ANKH: variants seen among roughly 807,000 people sequenced by gnomAD.
ANKH encodes ANKH inorganic pyrophosphate transport regulator, also known as mineralization regulator ANKH.
Under a neutral mutation model 49.0 loss-of-function variants are expected in ANKH, and 15 were observed. That is an observed-to-expected ratio of 0.31 (90% CI 0.20 to 0.47). ANKH has a LOEUF of 0.47. Among genes scored for constraint, ANKH ranks in the 20% least tolerant of loss-of-function variants. The pLI, the probability that ANKH is intolerant of heterozygous loss-of-function variation, is 1.00. For synonymous variants in ANKH, 273 were observed against 260.0 expected (o/e 1.05, Z -0.48); for missense variants, 429 against 652.0 (o/e 0.66, Z 3.72).
intron 1 of ANKH, among the ~76,000 whole-genome samples, chr5:14,784,384 C>G (rs1269480723): frequency 2.0e-5 from 3 of 152,156 alleles, no homozygotes; most frequent in Non-Finnish European, 4.4e-5. Flanking sequence ...CACCTCAACA[C>G]TGGACTGAAG....
At chr5:14,734,352 T>C (rs1353574586) in intron 8 of ANKH, among the ~76,000 whole-genome samples, 3 of 152,170 alleles carry the variant, frequency 2.0e-5, no homozygotes, top group African/African-American at 7.2e-5. Flanking sequence ...AGGGGCCACG[T>C]GCGTCAGGGA....
chr5:14,826,197 G>A (rs1258180215), intron 1 of ANKH, among the ~76,000 whole-genome samples: 1 of 152,166 alleles, frequency 6.6e-6, no homozygotes, highest in Non-Finnish European at 1.5e-5. Context: ...CCATGCACAT[G>A]TGTATTAGGT....
At chr5:14,716,666 G>C in intron 9 of ANKH, 40 bp downstream of exon 9, 22 of 1,612,228 alleles carry the variant, frequency 1.4e-5, no homozygotes, top group Non-Finnish European at 1.8e-5. Context: ...TTAGGCATGA[G>C]GATAAACAGG....
intron 1 of ANKH, among the ~76,000 whole-genome samples, chr5:14,840,150 G>A (rs935728639): frequency 2.6e-5 from 4 of 152,132 alleles, no homozygotes; most frequent in African/African-American, 9.7e-5. Flanking sequence ...TCCTTACCAC[G>A]CCTCTCTGAA....
At chr5:14,870,758 G>GAA (rs545521089) in intron 1 of ANKH, 7 of 87,812 alleles carry the variant, frequency 8.0e-5, no homozygotes, top group East Asian at 3.2e-4. Flanking sequence ...AGTGGTCCAT[G>GAA]AAAAAAAAAA....
At chr5:14,821,716 G>T (rs1405022996) in intron 1 of ANKH, among the ~76,000 whole-genome samples, 3 of 152,228 alleles carry the variant, frequency 2.0e-5, no homozygotes, top group African/African-American at 7.2e-5. Context: ...AGAAAGCACT[G>T]TGACTATAAC....
intron 1 of ANKH, among the ~76,000 whole-genome samples, chr5:14,811,003 AG>A (rs35285662): frequency 0.51 from 76,875 of 151,806 alleles, 19,828 homozygotes; most frequent in East Asian, 0.77. Context: ...TGAAGAAGGA[AG>A]GGGGGGAATA....
intron 2 of ANKH, among the ~76,000 whole-genome samples, chr5:14,758,961 T>C (rs1453348732): frequency 6.6e-6 from 1 of 152,240 alleles, no homozygotes; most frequent in East Asian, 1.9e-4. Context: ...GTTTGCTTGG[T>C]ATCAGCTTGC....
intron 8 of ANKH, among the ~76,000 whole-genome samples, chr5:14,728,468 A>G (rs1737889471): frequency 6.6e-6 from 1 of 152,180 alleles, no homozygotes; most frequent in Admixed American, 6.5e-5. Context: ...TCCCCCATAC[A>G]CAAGAGAGGC....
intron 4 of ANKH, among the ~76,000 whole-genome samples, chr5:14,754,592 TAC>T (rs137954196): frequency 6.6e-6 from 1 of 151,494 alleles, no homozygotes. Flanking sequence ...TGCTAGTATT[TAC>T]ACACACACAC....
chr5:14,783,099 C>A (rs555049669), intron 1 of ANKH, among the ~76,000 whole-genome samples: 1 of 152,236 alleles, frequency 6.6e-6, no homozygotes, highest in South Asian at 2.1e-4. Context: ...TGAATGAGTT[C>A]TAAGGGTCTG....
chr5:14,738,171 T>C (rs1005611144), intron 8 of ANKH, among the ~76,000 whole-genome samples: 21 of 152,116 alleles, frequency 1.4e-4, no homozygotes, highest in Admixed American at 1.2e-3. Flanking sequence ...TAAATTTAAA[T>C]AGAAAATGTG....
chr5:14,705,163 T>G lies in ANKH; in HGVS notation c.*6034A>C, dbSNP rs886060067. ...ATGCACACCACTGTGCCCAGCTAAATATTTTAATGTGATTGGTTTCAACAG... is the reference window on the plus strand; with the variant it reads ...ATGCACACCACTGTGCCCAGCTAAAGATTTTAATGTGATTGGTTTCAACAG... On this transcript the variant is annotated 3_prime_UTR_variant, in exon 12 of 12. Transcript: ENST00000284268. 18 of 152,184 alleles carry G rather than the reference T, an allele frequency of 1.2e-4. No individual in the cohort carries two copies. Among genetic ancestry groups the G allele is most frequent in the Non-Finnish European group, 2.1e-4 (14 of 68,032 alleles). The allele number at this position is 152,184 out of a possible 1,614,324, so 9.4% of individuals were successfully genotyped here.
chr5:14,843,555 A>AG (rs1741873764), intron 1 of ANKH, among the ~76,000 whole-genome samples: 1 of 150,672 alleles, frequency 6.6e-6, no homozygotes, highest in African/African-American at 2.4e-5. Flanking sequence ...TAGCGAAAAA[A>AG]AAAAAAAAAA....
At chr5:14,821,879 T>C (rs1004935694) in intron 1 of ANKH, among the ~76,000 whole-genome samples, 2 of 152,370 alleles carry the variant, frequency 1.3e-5, no homozygotes, top group South Asian at 4.1e-4. Context: ...GATCAGTGTT[T>C]GGGTTTTTCC....
chr5:14,834,817 A>G (rs1741608384), intron 1 of ANKH, among the ~76,000 whole-genome samples: 2 of 152,176 alleles, frequency 1.3e-5, no homozygotes, highest in Non-Finnish European at 1.5e-5. Flanking sequence ...GTCATCTTGG[A>G]CATGTGCCTT....
chr5:14,808,252 A>ATT lies in ANKH; in HGVS notation c.97-39063_97-39062dup, dbSNP rs35952510. On this transcript the variant is annotated intron_variant, in intron 1 of 11. Transcript: ENST00000284268. ...TTCCAGCATTTTTTTCTACATGTAC[A>ATT]TTTTTTTTTACACTATTGAATGTAG... is the stretch of plus-strand genomic sequence containing the variant. 3.0e-3 allele frequency among the ~76,000 whole-genome samples: 457 copies of ATT among 151,448 alleles called. 1 individual carries two copies. The highest frequency in any genetic ancestry group is 0.011 in the African/African-American group (443 of 41,310).
At position 14,807,261 on chromosome 5, in the gene ANKH, C is replaced by A. The variant is rs112876569; in HGVS notation, c.97-38070G>T. Among the ~76,000 whole-genome samples the A allele has an allele frequency of 3.8e-3, 572 of 152,094 alleles. 3 individuals are homozygous for A. The highest frequency in any genetic ancestry group is 0.013 in the African/African-American group (544 of 41,514). ...TCCCGAGTAGCTGGGACTATAGGCA[C>A]ACACCACCATGCCTGGCTAATTTTT... On this transcript the variant is annotated intron_variant, in intron 1 of 11. Coordinates refer to ENST00000284268, the MANE Select transcript of ANKH (RefSeq NM_054027.6).
chr5:14,712,750 G>A, intron 11 of ANKH, 124 bp downstream of exon 11: 1 of 952,490 alleles, frequency 1.0e-6, no homozygotes, highest in South Asian at 1.4e-5. Flanking sequence ...CCACGAGACT[G>A]GGCAGTGTCA....
Sources: allele counts gnomAD v4.1 joint callset (sites outside exome capture counted in the v4.1 genomes callset), GRCh38; gene constraint gnomAD v4.1.1; transcripts MANE v1.5; gene names NCBI Gene and HGNC (gene_info 2026-07-23, HGNC 2026-07-21).